SCARF2: variants seen among roughly 807,000 people sequenced by gnomAD.
The protein encoded by SCARF2 is scavenger receptor expressed by endothelial cells 2 protein.
Under a neutral mutation model 73.4 loss-of-function variants are expected in SCARF2, and 39 were observed. That is an observed-to-expected ratio of 0.53 (90% CI 0.41 to 0.69). SCARF2 has a LOEUF of 0.69. Among genes scored for constraint, SCARF2 ranks in the 30% least tolerant of loss-of-function variants. The probability of loss-of-function intolerance (pLI) is 0.00; values close to 1 mark genes in which losing one functional copy is unlikely to be tolerated. For missense variants in SCARF2, 1,148 were observed against 1,303.5 expected, an observed-to-expected ratio of 0.88 and a Z score of 1.84; for synonymous variants, 605 against 590.0, an observed-to-expected ratio of 1.03 and a Z score of -0.37.
chr22:20,426,921 C>T (rs796258004), intron 10 of SCARF2, among the ~76,000 whole-genome samples: 15 of 142,804 alleles, frequency 1.1e-4, no homozygotes, highest in African/African-American at 3.8e-4. Flanking sequence ...AGGCAGACTC[C>T]GTCTCAAAAA....
rs753831587 is a variant in SCARF2, at chr22:20,425,980, A to T, written c.1996T>A (p.Ser666Thr). The T allele has an allele frequency of 1.9e-6, 3 of 1,592,692 alleles. No individual in the cohort carries two copies. The highest frequency in any genetic ancestry group is 2.6e-6 in the Non-Finnish European group (3 of 1,174,664). ...GCGCTGTGCTTGCCGTGGATCCAGG[A>T]CACCTTAGGCTTGGTGGCGGGGTCA... ...PPDPATKPKV[S>T]WIHGKHSAAA... The change falls in exon 11 of 11, where the codon TCC becomes ACC. Residue 666 changes from serine (S) to threonine (T), a missense_variant. By Grantham distance (58) the Ser-to-Thr change is moderately conservative (BLOSUM62 1). Around this residue, in one of 5 missense-constraint regions of SCARF2, gnomAD observed 437 missense variants for 433.6 expected, o/e 1.01. Coordinates refer to ENST00000622235, the MANE Select transcript of SCARF2 (RefSeq NM_182895.5). The surrounding 1 kb of genome is among the most constrained non-coding windows in gnomAD (Gnocchi z 4.6).
chr22:20,430,350 G>T (rs534538981), intron 6 of SCARF2, 79 bp downstream of exon 6: 2 of 1,499,078 alleles, frequency 1.3e-6, no homozygotes. Context: ...GCTCAGGGTG[G>T]AGAGGCCACC....
chr22:20,432,412 G>A (rs1408394505), intron 1 of SCARF2, among the ~76,000 whole-genome samples: 1 of 152,208 alleles, frequency 6.6e-6, no homozygotes, highest in African/African-American at 2.4e-5. Flanking sequence ...GATGTCATGT[G>A]ATGTGACATG....
In SCARF2 at chr22:20,425,423, G is replaced by C. The variant is rs1051498399; in HGVS notation, c.2553C>G (p.Ser851Arg). The change falls in exon 11 of 11, where the codon AGC becomes AGG. Residue 851 changes from serine to arginine, a missense_variant. Physicochemically the swap from Ser to Arg is moderately radical, Grantham distance 110. Transcript: ENST00000622235. The surrounding 1 kb of genome is among the most constrained non-coding windows in gnomAD (Gnocchi z 4.6). ...TGCCCAGCTCGCCCGCCGCCTCCCG[G>C]CTCTTCTTGCGCGGCGGCTTCTGGA... ...TPIQKPPRKK[S>R]REAAGELGRA... The C allele has an allele frequency of 1.4e-6, 2 of 1,432,318 alleles. No individual in the cohort carries two copies. The highest frequency in any genetic ancestry group is 1.8e-6 in the Non-Finnish European group (2 of 1,091,052). 88.7% of individuals were successfully genotyped at this position (1,432,318 alleles called of 1,614,324 possible). A position where few individuals can be genotyped will look rare whatever the true frequency, so the allele number is the denominator to read the frequency against.
In SCARF2 at chr22:20,426,220, A is replaced by G; in HGVS notation, c.1756T>C (p.Ser586Pro). The change falls in exon 11 of 11, where the codon TCC becomes CCC. Residue 586 changes from serine (S) to proline (P), a missense_variant. Ser to Pro is a moderately conservative substitution (Grantham distance 74). Around this residue, in one of 5 missense-constraint regions of SCARF2, gnomAD observed 437 missense variants for 433.6 expected, o/e 1.01. Coordinates refer to ENST00000622235, the MANE Select transcript of SCARF2 (RefSeq NM_182895.5). Reference protein sequence around the residue: ...PTVPAEAPAPSPVPLTTPASA... With the variant: ...PTVPAEAPAPPPVPLTTPASA... Reference sequence around the variant, plus strand: ...GCTGGCGTGGTCAAGGGCACAGGGGACGGCGCCGGCGCCTCGGCAGGGACA... The same window carrying G: ...GCTGGCGTGGTCAAGGGCACAGGGGGCGGCGCCGGCGCCTCGGCAGGGACA... 2 of 1,532,786 alleles carry G rather than the reference A, an allele frequency of 1.3e-6. No individual in the cohort carries two copies. Among genetic ancestry groups the G allele is most frequent in the Middle Eastern group, 2.2e-4 (1 of 4,510 alleles). The allele number at this position is 1,532,786 out of a possible 1,614,324, so 94.9% of individuals were successfully genotyped here. A position where few individuals can be genotyped will look rare whatever the true frequency, so the allele number is the denominator to read the frequency against.
rs768621399 is a variant in SCARF2 at position 20,437,687 on chromosome 22, G to C, written c.68C>G (p.Pro23Arg). Residue 23 changes from proline (P) to arginine (R), a missense_variant, in exon 1 of 11, where the codon CCG becomes CGG. By Grantham distance (103) the Pro-to-Arg change is moderately radical. Coordinates refer to ENST00000622235, the MANE Select transcript of SCARF2 (RefSeq NM_182895.5). ...CAGCAGCAGCAGCGACGGCAGCAGC[G>C]GTGACGGCGGCCCCCCGGCTCCCCG... Reference protein sequence around the residue: ...RRRGAGGPPSPLLPSLLLLLL... With the variant: ...RRRGAGGPPSRLLPSLLLLLL... The C allele has an allele frequency of 4.0e-5, 59 of 1,480,120 alleles. No individual in the cohort carries two copies. Among genetic ancestry groups the C allele is most frequent in the Non-Finnish European group, 5.2e-5 (58 of 1,121,348 alleles). 91.7% of individuals were successfully genotyped at this position (1,480,120 alleles called of 1,614,324 possible). A position where few individuals can be genotyped will look rare whatever the true frequency, so the allele number is the denominator to read the frequency against.
In SCARF2 at chr22:20,425,495, C is replaced by T. The variant is rs773287853; in HGVS notation, c.2481G>A (p.Ala827=). 7.3e-7 allele frequency: 1 copy of T among 1,364,156 alleles called. No individual in the cohort carries two copies. The highest frequency in any genetic ancestry group is 9.4e-7 in the Non-Finnish European group (1 of 1,058,864). The allele number at this position is 1,364,156 out of a possible 1,614,324, so 84.5% of individuals were successfully genotyped here. ...PATETPGPEK[A]ATDLPAPETP... Reference sequence around the variant, plus strand: ...TCTCAGGCGCGGGCAAGTCGGTCGCCGCCTTCTCAGGCCCCGGGGTTTCGG... The same window carrying T: ...TCTCAGGCGCGGGCAAGTCGGTCGCTGCCTTCTCAGGCCCCGGGGTTTCGG... The change falls in exon 11 of 11, where the codon GCG becomes GCA. Residue 827 remains alanine, a synonymous_variant. Transcript: ENST00000622235. This position sits in a 1 kb window ranked among gnomAD's most constrained non-coding sequence, Gnocchi z 4.6.
rs749132697 is a variant in SCARF2 at position 20,430,576 on chromosome 22, G to A, written c.1074-19C>T. On this transcript the variant is annotated intron_variant, in intron 5 of 10. Transcript: ENST00000622235. Reference sequence around the variant, plus strand: ...CTCGCACCTTGGAAAGAGGGGAGGAGGCGTCAGCAGAAATGGAGGCAAACG... The same window carrying A: ...CTCGCACCTTGGAAAGAGGGGAGGAAGCGTCAGCAGAAATGGAGGCAAACG... 9.9e-6 allele frequency: 16 copies of A among 1,611,960 alleles called. No homozygotes were observed. In the South Asian group the frequency reaches 1.6e-4, roughly 17 times the overall value.
chr22:20,427,810 G>T (rs2052596919), intron 9 of SCARF2, among the ~76,000 whole-genome samples: 1 of 152,240 alleles, frequency 6.6e-6, no homozygotes, highest in Non-Finnish European at 1.5e-5. Flanking sequence ...GCTGGAAAAG[G>T]TTGGGCTGAC....
rs528699425 is a variant in SCARF2 at position 20,437,499 on chromosome 22, A to G, written c.173+83T>C. Reference sequence around the variant, plus strand: ...ACACTTGGCGTAGGAAGGTTCCGGTAGCCCCCTCCCAATGCCCGGCGCCGC... The same window carrying G: ...ACACTTGGCGTAGGAAGGTTCCGGTGGCCCCCTCCCAATGCCCGGCGCCGC... On this transcript the variant is annotated intron_variant, in intron 1 of 10. Transcript: ENST00000622235. 39 of 1,395,664 alleles carry G rather than the reference A, an allele frequency of 2.8e-5. No homozygotes were observed. The South Asian group carries it at 3.0e-4, about 11-fold the overall frequency. The allele number at this position is 1,395,664 out of a possible 1,614,324, so 86.5% of individuals were successfully genotyped here.
intron 5 of SCARF2, 49 bp from the exon 6 acceptor site, chr22:20,430,606 A>G: frequency 1.2e-6 from 2 of 1,610,848 alleles, no homozygotes; most frequent in African/African-American, 1.3e-5. Flanking sequence ...CAAACGGACC[A>G]CAGCGCCCTC....
In SCARF2 at chr22:20,425,335, G is replaced by A. The variant is rs1360332365; in HGVS notation, c.*40C>T. The A allele has an allele frequency of 1.5e-6, 2 of 1,345,892 alleles. No individual in the cohort carries two copies. Among genetic ancestry groups the A allele is most frequent in the East Asian group, 3.1e-5 (1 of 32,406 alleles). 83.4% of individuals were successfully genotyped at this position (1,345,892 alleles called of 1,614,324 possible). A position where few individuals can be genotyped will look rare whatever the true frequency, so the allele number is the denominator to read the frequency against. ...GAGGTGTGGGGTGGCGGGCGGCGCT[G>A]CGAAGCTGAGGGAGCTGCGCGCGGA... On this transcript the variant is annotated 3_prime_UTR_variant, in exon 11 of 11. Transcript: ENST00000622235. This position sits in a 1 kb window ranked among gnomAD's most constrained non-coding sequence, Gnocchi z 4.6.
At chr22:20,436,162 G>A (rs2052696647) in intron 1 of SCARF2, among the ~76,000 whole-genome samples, 1 of 152,242 alleles carries the variant, frequency 6.6e-6, no homozygotes, top group African/African-American at 2.4e-5. Context: ...AGCTGGGTAG[G>A]GTGGCACCAG....
At position 20,429,972 on chromosome 22, in the gene SCARF2, T is replaced by A; in HGVS notation, c.1203-139A>T. 1 of 813,126 alleles carries A rather than the reference T, an allele frequency of 1.2e-6. No individual in the cohort carries two copies. Among genetic ancestry groups the A allele is most frequent in the Non-Finnish European group, 2.0e-6 (1 of 512,410 alleles). 50.4% of individuals were successfully genotyped at this position (813,126 alleles called of 1,614,324 possible). On this transcript the variant is annotated intron_variant, in intron 6 of 10. Coordinates refer to ENST00000622235, the MANE Select transcript of SCARF2 (RefSeq NM_182895.5). The surrounding 1 kb of genome is among the most constrained non-coding windows in gnomAD (Gnocchi z 5.2). ...TCTCGCTGCATTCGTCGTCTAGGGA[T>A]TGAAGCCCCGCCCCGCCCGTGGCAC... is the stretch of plus-strand genomic sequence containing the variant.
Position 20,425,459 on chromosome 22 carries a change from C to T in SCARF2, c.2517G>A (p.Lys839=). 1.4e-6 allele frequency: 2 copies of T among 1,413,822 alleles called. No homozygotes were observed. Among genetic ancestry groups the T allele is most frequent in the Non-Finnish European group, 1.8e-6 (2 of 1,082,288 alleles). 87.6% of individuals were successfully genotyped at this position (1,413,822 alleles called of 1,614,324 possible). The change falls in exon 11 of 11, where the codon AAG becomes AAA. Residue 839 remains lysine (K), a synonymous_variant. Coordinates refer to ENST00000622235, the MANE Select transcript of SCARF2 (RefSeq NM_182895.5). This position sits in a 1 kb window ranked among gnomAD's most constrained non-coding sequence, Gnocchi z 4.6. ...GCGGCGGCTTCTGGATGGGGGTCTT[C>T]TTCCGGGGGGTCTCAGGCGCGGGCA... ...TDLPAPETPR[K]KTPIQKPPRK...
intron 1 of SCARF2, among the ~76,000 whole-genome samples, chr22:20,437,141 C>A (rs534388799): frequency 6.6e-6 from 1 of 152,310 alleles, no homozygotes; most frequent in African/African-American, 2.4e-5. Context: ...AGGACCTCCC[C>A]GGCTAGCACC....
At chr22:20,428,544 T>C (rs1479801038) in intron 9 of SCARF2, among the ~76,000 whole-genome samples, 1 of 152,148 alleles carries the variant, frequency 6.6e-6, no homozygotes, top group Admixed American at 6.5e-5. Context: ...CCTCAGGTGA[T>C]CCACCTGCCT....
intron 1 of SCARF2, 124 bp downstream of exon 1, chr22:20,437,458 G>T: frequency 9.6e-7 from 1 of 1,046,530 alleles, no homozygotes; most frequent in Admixed American, 2.6e-5. Context: ...CGCTGGCTAG[G>T]GAGCCGAAGG....
rs556184662 is a variant in SCARF2 at position 20,428,164 on chromosome 22, T to C, written c.1541-614A>G. Among the ~76,000 whole-genome samples, 26 of 152,280 alleles carry C rather than the reference T, an allele frequency of 1.7e-4. 1 individual carries two copies. Among genetic ancestry groups the C allele is most frequent in the African/African-American group, 6.0e-4 (25 of 41,566 alleles). ...TAGGTGGGCCAAGGGGTTTTCTCTC[T>C]CTTGCTTGCTTGCTTTTTCTTTTCT... On this transcript the variant is annotated intron_variant, in intron 9 of 10. Transcript: ENST00000622235.
Sources: gnomAD v4.1 joint callset for allele counts (sites outside exome capture counted in the v4.1 genomes callset) on GRCh38, gnomAD v4.1.1 for gene constraint, gnomAD v4.1.1 regional missense constraint, Gnocchi (gnomAD v3.1) non-coding constraint, MANE v1.5 for transcripts, NCBI Gene and HGNC (gene_info 2026-07-23, HGNC 2026-07-21) for gene names.